Variants in TAPT1 observed in about 807,000 individuals in gnomAD.
TAPT1 encodes transmembrane anterior posterior transformation 1, also known as transmembrane anterior posterior transformation protein 1 homolog.
In TAPT1, 28 loss-of-function variants were observed where a neutral mutation model predicts 65.6. The ratio of observed to expected loss-of-function variants is 0.43; its 90% CI spans 0.32 to 0.59. The LOEUF is 0.59. Among genes scored for constraint, TAPT1 ranks in the 20% least tolerant of loss-of-function variants. The probability of loss-of-function intolerance (pLI) is 0.09; values close to 1 mark genes in which losing one functional copy is unlikely to be tolerated. For missense variants in TAPT1, 563 were observed against 679.9 expected (o/e 0.83, Z 1.91); for synonymous variants, 278 against 245.2 (o/e 1.13, Z -1.25).
intron 7 of TAPT1, among the ~76,000 whole-genome samples, chr4:16,180,351 C>G (rs945489715): frequency 9.9e-5 from 15 of 152,182 alleles, no homozygotes; most frequent in African/African-American, 3.4e-4. Flanking sequence ...GTCTAAGATA[C>G]CGTGTAACCA....
chr4:16,208,849 C>T (rs529354790), intron 2 of TAPT1, among the ~76,000 whole-genome samples: 8 of 152,312 alleles, frequency 5.3e-5, no homozygotes, highest in African/African-American at 1.9e-4. Flanking sequence ...CCTGACCATT[C>T]AACATAACTG....
Position 16,226,429 on chromosome 4 carries a change from G to A in TAPT1, c.29C>T (p.Pro10Leu), listed in dbSNP as rs1193091078. Residue 10 changes from proline (P) to leucine (L), a missense_variant, in exon 1 of 14, where the codon CCG becomes CTG. Physicochemically the swap from Pro to Leu is moderately conservative, Grantham distance 98 (BLOSUM62 -3). Around this residue, in one of 5 missense-constraint regions of TAPT1, gnomAD observed 103 missense variants for 89.4 expected, o/e 1.15. Coordinates refer to ENST00000405303, the MANE Select transcript of TAPT1 (RefSeq NM_153365.3). ...CACGCCGCCACCGCCGCCTTCTCCCGGAGCGGCCGCGTCGCCGACGCCCGC... is the reference window on the plus strand; with the variant it reads ...CACGCCGCCACCGCCGCCTTCTCCCAGAGCGGCCGCGTCGCCGACGCCCGC... MAGVGDAAA[P>L]GEGGGGGVDG... 8 of 1,079,342 alleles carry A rather than the reference G, an allele frequency of 7.4e-6. No individual in the cohort carries two copies. The highest frequency in any genetic ancestry group is 4.1e-4 in the Middle Eastern group (1 of 2,438). 66.9% of individuals were successfully genotyped at this position (1,079,342 alleles called of 1,614,324 possible).
At chr4:16,175,786 G>T (rs1748284864) in intron 9 of TAPT1, among the ~76,000 whole-genome samples, 1 of 152,078 alleles carries the variant, frequency 6.6e-6, no homozygotes, top group African/African-American at 2.4e-5. Flanking sequence ...CCTAGCCAGA[G>T]AGAAAAATTT....
intron 3 of TAPT1, among the ~76,000 whole-genome samples, chr4:16,192,190 C>A (rs1442849655): frequency 6.6e-6 from 1 of 152,166 alleles, no homozygotes; most frequent in African/African-American, 2.4e-5. Context: ...AGCTGAACTG[C>A]CCACTGTACT....
At chr4:16,168,946 G>A (rs79189432) in intron 12 of TAPT1, among the ~76,000 whole-genome samples, 3,427 of 152,238 alleles carry the variant, frequency 0.023, 129 homozygotes, top group African/African-American at 0.078. Flanking sequence ...CGGGTGTGGT[G>A]GGGGAAAGTT....
chr4:16,195,832 A>T (rs938994977), intron 3 of TAPT1, among the ~76,000 whole-genome samples: 23 of 152,244 alleles, frequency 1.5e-4, no homozygotes, highest in African/African-American at 5.3e-4. Flanking sequence ...CTATGATTAA[A>T]GTAACATCTA....
chr4:16,220,999 G>A (rs1253432818), intron 1 of TAPT1, among the ~76,000 whole-genome samples: 2 of 152,006 alleles, frequency 1.3e-5, no homozygotes, highest in African/African-American at 4.8e-5. Context: ...CTCTCCAAGT[G>A]CTACGATTAT....
At chr4:16,165,928 A>C (rs1747579910) in intron 13 of TAPT1, among the ~76,000 whole-genome samples, 1 of 152,046 alleles carries the variant, frequency 6.6e-6, no homozygotes, top group Non-Finnish European at 1.5e-5. Flanking sequence ...TCCTTTTAAA[A>C]TGTCAGCTGC....
intron 2 of TAPT1, among the ~76,000 whole-genome samples, chr4:16,210,232 G>A (rs1231552805): frequency 6.6e-6 from 1 of 152,138 alleles, no homozygotes; most frequent in Non-Finnish European, 1.5e-5. Context: ...AACCCAAGAG[G>A]GCCAAGAGCC....
intron 7 of TAPT1, among the ~76,000 whole-genome samples, chr4:16,184,838 G>C (rs1448100917): frequency 6.6e-6 from 1 of 152,124 alleles, no homozygotes; most frequent in Non-Finnish European, 1.5e-5. Flanking sequence ...GATTGGTATA[G>C]TTTGTTATAT....
intron 13 of TAPT1, among the ~76,000 whole-genome samples, chr4:16,165,795 A>G (rs1747569515): frequency 6.6e-6 from 1 of 152,146 alleles, no homozygotes; most frequent in Non-Finnish European, 1.5e-5. Context: ...AGGTCTATCC[A>G]GAACCTGGCC....
rs1240384796 is a variant in TAPT1, at chr4:16,162,654, T to C, written c.*654A>G. The C allele has an allele frequency of 6.4e-6, 1 of 156,588 alleles. No individual in the cohort carries two copies. Among genetic ancestry groups the C allele is most frequent in the Non-Finnish European group, 1.4e-5 (1 of 71,088 alleles). The allele number at this position is 156,588 out of a possible 1,614,324, so 9.7% of individuals were successfully genotyped here. On this transcript the variant is annotated 3_prime_UTR_variant, in exon 14 of 14. Coordinates refer to ENST00000405303, the MANE Select transcript of TAPT1 (RefSeq NM_153365.3). ...AAAAATTATGAAGGATTTTTCCCAG[T>C]AATGCATAGCCTTCATTAATTATTT... is the stretch of plus-strand genomic sequence containing the variant.
chr4:16,220,676 G>GA (rs1272173161), intron 1 of TAPT1, among the ~76,000 whole-genome samples: 3 of 151,576 alleles, frequency 2.0e-5, no homozygotes, highest in Admixed American at 2.0e-4. Context: ...TTGAACCCAG[G>GA]AGGCGGAGGT....
At chr4:16,202,151 C>G (rs1316573290) in intron 3 of TAPT1, among the ~76,000 whole-genome samples, 1 of 152,062 alleles carries the variant, frequency 6.6e-6, no homozygotes, top group African/African-American at 2.4e-5. Context: ...GAGTTAAGAA[C>G]GTGATAAGTA....
intron 4 of TAPT1, 76 bp from the exon 5 acceptor site, chr4:16,188,431 A>G: frequency 8.4e-7 from 1 of 1,195,464 alleles, no homozygotes; most frequent in Non-Finnish European, 1.1e-6. Flanking sequence ...GATATAGCTC[A>G]AATCCTGGAG....
chr4:16,222,142 C>T (rs569780274), intron 1 of TAPT1, among the ~76,000 whole-genome samples: 90 of 152,332 alleles, frequency 5.9e-4, no homozygotes, highest in African/African-American at 2.1e-3. Context: ...GCTATATAGG[C>T]TTTCCAGAGA....
In TAPT1 at chr4:16,170,749, A is replaced by C; in HGVS notation, c.1237-20T>G. On this transcript the variant is annotated intron_variant, in intron 11 of 13. Coordinates refer to ENST00000405303, the MANE Select transcript of TAPT1 (RefSeq NM_153365.3). ...GATGAGCTAGCCAGAAACAAACCAA[A>C]ACAACAAAAACACACAAACAGAACA... 1 of 1,585,770 alleles carries C rather than the reference A, an allele frequency of 6.3e-7. No individual in the cohort carries two copies. Among genetic ancestry groups the C allele is most frequent in the South Asian group, 1.1e-5 (1 of 90,240 alleles).
intron 1 of TAPT1, among the ~76,000 whole-genome samples, chr4:16,215,853 C>G (rs1365605742): frequency 1.3e-5 from 2 of 152,058 alleles, no homozygotes; most frequent in Non-Finnish European, 2.9e-5. Context: ...TCTGCTCTTT[C>G]AAGGTGAGAA....
intron 4 of TAPT1, among the ~76,000 whole-genome samples, chr4:16,189,785 C>A (rs1749250342): frequency 6.6e-6 from 1 of 152,114 alleles, no homozygotes; most frequent in African/African-American, 2.4e-5. Context: ...TTTTTCTCGG[C>A]CTATTTTCTA....
Sources: allele counts gnomAD v4.1 joint callset (sites outside exome capture counted in the v4.1 genomes callset), GRCh38; gene constraint gnomAD v4.1.1; regional missense constraint gnomAD v4.1.1; transcripts MANE v1.5; gene names NCBI Gene and HGNC (gene_info 2026-07-23, HGNC 2026-07-21).